COL9A1: variants seen among roughly 807,000 people sequenced by gnomAD.
COL9A1 encodes the protein collagen type IX alpha 1 chain.
COL9A1 carries 104 observed loss-of-function variants against 142.6 expected under a neutral mutation model. The ratio of observed to expected loss-of-function variants is 0.73; its 90% CI spans 0.62 to 0.86. The LOEUF (loss-of-function observed/expected upper bound fraction) is 0.86, where lower values mean the gene tolerates loss of function less well. Among genes scored for constraint, COL9A1 ranks in the 40% least tolerant of loss-of-function variants. COL9A1 has a pLI of 0.00. For missense variants in COL9A1, 1,210 were observed against 1,176.6 expected, an observed-to-expected ratio of 1.03 and a Z score of -0.42; for synonymous variants, 466 against 396.0, an observed-to-expected ratio of 1.18 and a Z score of -2.10.
intron 5 of COL9A1, among the ~76,000 whole-genome samples, chr6:70,289,808 C>T (rs1197795427): frequency 3.3e-5 from 5 of 152,116 alleles, no homozygotes; most frequent in African/African-American, 9.7e-5. Context: ...AATAGTAATT[C>T]TCAAATATCA....
At chr6:70,218,548 T>C (rs757284588) in intron 37 of COL9A1, among the ~76,000 whole-genome samples, 1 of 152,206 alleles carries the variant, frequency 6.6e-6, no homozygotes, top group Non-Finnish European at 1.5e-5. Context: ...GGGATCCTCA[T>C]TCCATCTCAG....
chr6:70,281,594 C>CA (rs34688661), intron 7 of COL9A1, 130 bp from the exon 8 acceptor site: 4 of 656,236 alleles, frequency 6.1e-6, no homozygotes, highest in Admixed American at 3.0e-5. Context: ...TTTTGCAACC[C>CA]AACGCAAAAA....
intron 16 of COL9A1, 106 bp downstream of exon 16, chr6:70,269,527 C>G: frequency 1.2e-6 from 1 of 827,330 alleles, no homozygotes; most frequent in South Asian, 1.4e-5. Context: ...GAAAGGAAAA[C>G]ACAGACACAT....
chr6:70,283,449 G>C (rs1310739915), intron 6 of COL9A1, among the ~76,000 whole-genome samples: 1 of 152,212 alleles, frequency 6.6e-6, no homozygotes, highest in Non-Finnish European at 1.5e-5. Context: ...AAGTGTTCTT[G>C]GACATGTTTG....
intron 5 of COL9A1, among the ~76,000 whole-genome samples, chr6:70,291,954 T>G (rs1434686114): frequency 6.6e-6 from 1 of 152,174 alleles, no homozygotes; most frequent in Non-Finnish European, 1.5e-5. Flanking sequence ...CTTACAAGGT[T>G]GTTGCAAGAA....
At chr6:70,273,771 G>A (rs1488862108) in intron 12 of COL9A1, among the ~76,000 whole-genome samples, 2 of 152,048 alleles carry the variant, frequency 1.3e-5, no homozygotes, top group African/African-American at 4.8e-5. Context: ...GGAATTGTCT[G>A]CTGGGAAATA....
intron 2 of COL9A1, 34 bp downstream of exon 2, chr6:70,301,967 T>C: frequency 6.5e-7 from 1 of 1,549,374 alleles, no homozygotes; most frequent in Non-Finnish European, 8.9e-7. Flanking sequence ...TGGGAATAAG[T>C]GATCTTTGAA....
At chr6:70,232,242 AAAAT>A (rs549753234) in intron 36 of COL9A1, among the ~76,000 whole-genome samples, 2 of 152,338 alleles carry the variant, frequency 1.3e-5, no homozygotes, top group South Asian at 2.1e-4. Context: ...AGGGTCTCAA[AAAAT>A]AAATAAATAA....
At position 70,268,880 on chromosome 6, in the gene COL9A1, C is replaced by G; in HGVS notation, c.1231-20G>C. Reference sequence around the variant, plus strand: ...GGGACACTGCCAGGGAGAGAGGGAACAAAGAGAAAGAAAGACAGACAGAGT... The same window carrying G: ...GGGACACTGCCAGGGAGAGAGGGAAGAAAGAGAAAGAAAGACAGACAGAGT... On this transcript the variant is annotated intron_variant, in intron 16 of 37. Transcript: ENST00000357250. 6.2e-7 allele frequency: 1 copy of G among 1,612,896 alleles called. No homozygotes were observed. Among genetic ancestry groups the G allele is most frequent in the Non-Finnish European group, 8.5e-7 (1 of 1,179,200 alleles).
rs548249586 is a variant in COL9A1 at position 70,219,125 on chromosome 6, G to A, written c.2582-2044C>T. Among the ~76,000 whole-genome samples, 3 of 152,290 alleles carry A rather than the reference G, an allele frequency of 2.0e-5. No homozygotes were observed. In the South Asian group the frequency reaches 6.2e-4, roughly 32 times the overall value. ...GTTAAGATCCTTAACACCAGATGCAGTTAAAGGTGAAGTTGATTTTTTTAA... is the reference window on the plus strand; with the variant it reads ...GTTAAGATCCTTAACACCAGATGCAATTAAAGGTGAAGTTGATTTTTTTAA... On this transcript the variant is annotated intron_variant, in intron 37 of 37. Coordinates refer to ENST00000357250, the MANE Select transcript of COL9A1 (RefSeq NM_001851.6).
At chr6:70,270,573 G>C (rs928687343) in intron 14 of COL9A1, among the ~76,000 whole-genome samples, 1 of 152,134 alleles carries the variant, frequency 6.6e-6, no homozygotes, top group Non-Finnish European at 1.5e-5. Context: ...TCTCACCGAG[G>C]TAATAAAACA....
intron 5 of COL9A1, among the ~76,000 whole-genome samples, chr6:70,290,759 A>G (rs187649926): frequency 6.6e-5 from 10 of 152,258 alleles, no homozygotes; most frequent in Admixed American, 5.9e-4. Context: ...TGATTTATTT[A>G]CTAAAGAAAA....
intron 14 of COL9A1, among the ~76,000 whole-genome samples, chr6:70,271,241 C>T (rs1013133399): frequency 6.6e-6 from 1 of 152,136 alleles, no homozygotes; most frequent in South Asian, 2.1e-4. Flanking sequence ...AAGCCCAGCT[C>T]TTTAATGTTA....
At chr6:70,300,280 C>G (rs747505733) in intron 3 of COL9A1, 29 bp downstream of exon 3, 1 of 1,605,942 alleles carries the variant, frequency 6.2e-7, no homozygotes, top group South Asian at 1.1e-5. Flanking sequence ...AGAAAGCATG[C>G]ATTTTCAATA....
At chr6:70,223,930 A>T (rs1263449317) in intron 37 of COL9A1, among the ~76,000 whole-genome samples, 2 of 152,154 alleles carry the variant, frequency 1.3e-5, no homozygotes, top group African/African-American at 4.8e-5. Flanking sequence ...AGATAATCAG[A>T]GCTGATGGGG....
intron 13 of COL9A1, 47 bp from the exon 14 acceptor site, chr6:70,271,755 C>A (rs573851695): frequency 1.3e-6 from 2 of 1,507,890 alleles, no homozygotes; most frequent in East Asian, 4.5e-5. Context: ...AATATTTTTA[C>A]AATCTATCAT....
intron 16 of COL9A1, 111 bp downstream of exon 16, chr6:70,269,522 G>A: frequency 5.0e-6 from 4 of 800,478 alleles, no homozygotes; most frequent in Non-Finnish European, 6.5e-6. Context: ...TGAGTGAAAG[G>A]AAAACACAGA....
At position 70,232,520 on chromosome 6, in the gene COL9A1, G is replaced by A. The variant is rs1057494383; in HGVS notation, c.2503+63C>T. On this transcript the variant is annotated intron_variant, in intron 36 of 37. Coordinates refer to ENST00000357250, the MANE Select transcript of COL9A1 (RefSeq NM_001851.6). Reference sequence around the variant, plus strand: ...GGTAAAACATAAATTCCTCGAGCTTGATACAGATTATACATCTGAAAAAGG... The same window carrying A: ...GGTAAAACATAAATTCCTCGAGCTTAATACAGATTATACATCTGAAAAAGG... 3.8e-5 allele frequency: 58 copies of A among 1,544,450 alleles called. 1 individual carries two copies. The South Asian group carries it at 5.8e-4, about 15-fold the overall frequency.
intron 5 of COL9A1, among the ~76,000 whole-genome samples, chr6:70,286,554 A>C (rs1361863305): frequency 6.6e-6 from 1 of 152,202 alleles, no homozygotes; most frequent in Non-Finnish European, 1.5e-5. Context: ...CTTTAATAGG[A>C]CAGATGTTTC....
Sources: gnomAD v4.1 joint callset for allele counts (sites outside exome capture counted in the v4.1 genomes callset) on GRCh38, gnomAD v4.1.1 for gene constraint, MANE v1.5 for transcripts, NCBI Gene and HGNC (gene_info 2026-07-23, HGNC 2026-07-21) for gene names.